The following LMBR1 variants were observed in gnomAD, a reference collection of about 807,000 sequenced individuals.
LMBR1 encodes the protein limb region 1 protein homolog.
Under a neutral mutation model 73.9 loss-of-function variants are expected in LMBR1, and 52 were observed. The observed-to-expected ratio is 0.70, with a 90% CI of 0.56 to 0.89. The LOEUF is 0.89. Ranked by LOEUF, LMBR1 falls within the 40% of genes least tolerant of loss-of-function variation. The probability of loss-of-function intolerance (pLI) is 0.00; values close to 1 mark genes in which losing one functional copy is unlikely to be tolerated. For missense variants in LMBR1, 539 were observed against 579.8 expected, an observed-to-expected ratio of 0.93 and a Z score of 0.72; for synonymous variants, 215 against 209.4, an observed-to-expected ratio of 1.03 and a Z score of -0.23.
Position 156,826,729 on chromosome 7 carries a change from C to T in LMBR1, c.195G>A (p.Thr65=), listed in dbSNP as rs1015311808. 6.2e-6 allele frequency: 10 copies of T among 1,609,044 alleles called. No homozygotes were observed. In the African/African-American group the frequency reaches 8.0e-5, roughly 13 times the overall value. The change falls in exon 4 of 17, where the codon ACG becomes ACA. Residue 65 remains threonine, a synonymous_variant. Coordinates refer to ENST00000353442, the MANE Select transcript of LMBR1 (RefSeq NM_022458.4). The part of the protein sequence containing the change: ...IVNRISLFLS[T]FTLAVSAGAV... Reference sequence around the variant, plus strand: ...CCCCAGCTGACACTGCGAGAGTGAACGTGCTCAAAAACAACCTGGAAGAAA... The same window carrying T: ...CCCCAGCTGACACTGCGAGAGTGAATGTGCTCAAAAACAACCTGGAAGAAA...
intron 4 of LMBR1, among the ~76,000 whole-genome samples, chr7:156,803,650 C>A (rs994512218): frequency 6.6e-6 from 1 of 152,046 alleles, no homozygotes; most frequent in African/African-American, 2.4e-5. Flanking sequence ...TAGGTATATA[C>A]CCAAAGGATT....
At chr7:156,826,388 T>G (rs1436555421) in intron 4 of LMBR1, among the ~76,000 whole-genome samples, 1 of 152,208 alleles carries the variant, frequency 6.6e-6, no homozygotes, top group Non-Finnish European at 1.5e-5. Flanking sequence ...ATCATAAGTA[T>G]AAACACTGCT....
intron 1 of LMBR1, among the ~76,000 whole-genome samples, chr7:156,849,746 T>C (rs1795989555): frequency 6.6e-6 from 1 of 152,184 alleles, no homozygotes. Flanking sequence ...TGTATGATTC[T>C]ATAAGGTTAG....
rs770230374 is a variant in LMBR1, at chr7:156,732,647, AC to A, written c.838+1529del. ...AAGGCCAAAAATAGTTGCTTCTTCC[AC>A]AAGACAGTACAGAATGTCATCAATC... is the stretch of plus-strand genomic sequence containing the variant. On this transcript the variant is annotated intron_variant, in intron 10 of 16. Coordinates refer to ENST00000353442, the MANE Select transcript of LMBR1 (RefSeq NM_022458.4). Among the ~76,000 whole-genome samples, 190 of 152,352 alleles carry A rather than the reference AC, an allele frequency of 1.2e-3. 1 individual carries two copies. The highest frequency in any genetic ancestry group is 1.7e-3 in the Non-Finnish European group (114 of 68,032).
intron 9 of LMBR1, among the ~76,000 whole-genome samples, chr7:156,747,506 G>C (rs1820061581): frequency 2.0e-5 from 3 of 152,018 alleles, no homozygotes; most frequent in Admixed American, 1.3e-4. Flanking sequence ...AATATAAAAT[G>C]TATTTTTAAA....
chr7:156,836,917 CT>C, intron 1 of LMBR1, 32 bp from the exon 2 acceptor site: 3 of 1,369,550 alleles, frequency 2.2e-6, no homozygotes, highest in South Asian at 1.3e-5. Context: ...AGATCATTTA[CT>C]TTTTTGCATA....
chr7:156,676,185 AT>A (rs1023422573), downstream of LMBR1: 54 of 1,301,380 alleles, frequency 4.1e-5, no homozygotes, highest in Admixed American at 9.1e-4. Context: ...GATGTTGCTT[AT>A]CACAGGTGGG....
At chr7:156,884,894 G>C (rs1801635050) in intron 1 of LMBR1, among the ~76,000 whole-genome samples, 1 of 152,206 alleles carries the variant, frequency 6.6e-6, no homozygotes, top group Non-Finnish European at 1.5e-5. Flanking sequence ...CTGCATAAAG[G>C]GTAAGCCATA....
chr7:156,703,839 C>T (rs992551098), intron 15 of LMBR1, among the ~76,000 whole-genome samples: 1 of 152,168 alleles, frequency 6.6e-6, no homozygotes, highest in Admixed American at 6.5e-5. Flanking sequence ...ACCCAATCTG[C>T]CACCTGAGAC....
chr7:156,789,921 A>G (rs771181239), intron 5 of LMBR1, among the ~76,000 whole-genome samples: 32 of 151,016 alleles, frequency 2.1e-4, no homozygotes, highest in Non-Finnish European at 4.1e-4. Flanking sequence ...AGTTTAATTT[A>G]AAGTATAATT....
chr7:156,875,336 C>G (rs1799995733), intron 1 of LMBR1, among the ~76,000 whole-genome samples: 1 of 152,142 alleles, frequency 6.6e-6, no homozygotes. Flanking sequence ...GTGACCAAAT[C>G]TAAGAATAAC....
chr7:156,891,045 G>T (rs1253740359), intron 1 of LMBR1, among the ~76,000 whole-genome samples: 1 of 151,512 alleles, frequency 6.6e-6, no homozygotes, highest in Non-Finnish European at 1.5e-5. Context: ...AGAAAAATTA[G>T]CTGGGTGTGG....
At position 156,705,488 on chromosome 7, in the gene LMBR1, G is replaced by C. The variant is rs534873058; in HGVS notation, c.1226-17297C>G. Among the ~76,000 whole-genome samples, 124 of 152,340 alleles carry C rather than the reference G, an allele frequency of 8.1e-4. 1 individual carries two copies. The highest frequency in any genetic ancestry group is 2.9e-3 in the African/African-American group (121 of 41,574). ...GTGGAAGGACTGTTTGAGCCTGGGA[G>C]GTAGAGGTTGCAGTGAGCTGTGATC... On this transcript the variant is annotated intron_variant, in intron 15 of 16. Transcript: ENST00000353442.
At chr7:156,840,503 CA>C (rs1028225799) in intron 1 of LMBR1, among the ~76,000 whole-genome samples, 4 of 151,950 alleles carry the variant, frequency 2.6e-5, no homozygotes, top group Non-Finnish European at 5.9e-5. Flanking sequence ...AAGTAAGAGA[CA>C]AGGTCAGAAA....
intron 5 of LMBR1, among the ~76,000 whole-genome samples, chr7:156,765,285 GT>G (rs1356323307): frequency 6.6e-6 from 1 of 152,164 alleles, no homozygotes; most frequent in Non-Finnish European, 1.5e-5. Flanking sequence ...CATAGGGGTG[GT>G]TTCCCCCATG....
At chr7:156,826,803 C>A in intron 3 of LMBR1, 59 bp from the exon 4 acceptor site, 1 of 1,472,616 alleles carries the variant, frequency 6.8e-7, no homozygotes, top group South Asian at 1.4e-5. Context: ...ACACGAAAGT[C>A]ATCAAAAAGA....
At chr7:156,825,995 T>C (rs905211067) in intron 4 of LMBR1, among the ~76,000 whole-genome samples, 1 of 152,230 alleles carries the variant, frequency 6.6e-6, no homozygotes, top group Admixed American at 6.5e-5. Flanking sequence ...TTTAGTTCTT[T>C]TGAGATGGAG....
intron 5 of LMBR1, among the ~76,000 whole-genome samples, chr7:156,781,322 C>A (rs1827099731): frequency 6.6e-6 from 1 of 152,082 alleles, no homozygotes; most frequent in African/African-American, 2.4e-5. Context: ...TCCTTTATGA[C>A]AGTGAACAAA....
chr7:156,752,763 T>A (rs1220514562), intron 9 of LMBR1, among the ~76,000 whole-genome samples: 1 of 152,010 alleles, frequency 6.6e-6, no homozygotes, highest in Non-Finnish European at 1.5e-5. Flanking sequence ...ATTGGTCACA[T>A]ATATAAAGGA....
Sources: gnomAD v4.1 joint callset for allele counts (sites outside exome capture counted in the v4.1 genomes callset) on GRCh38, gnomAD v4.1.1 for gene constraint, MANE v1.5 for transcripts, NCBI Gene and HGNC (gene_info 2026-07-23, HGNC 2026-07-21) for gene names.